The following BCL2L14 variants were observed in gnomAD, a reference collection of about 807,000 sequenced individuals.
The protein encoded by BCL2L14 is BCL2 like 14, also known as apoptosis facilitator Bcl-2-like protein 14.
Under a neutral mutation model 35.3 loss-of-function variants are expected in BCL2L14, and 27 were observed. The ratio of observed to expected loss-of-function variants is 0.76; its 90% confidence interval spans 0.56 to 1.05. BCL2L14 has a LOEUF of 1.05. Ranked by LOEUF, BCL2L14 falls within the 50% of genes least tolerant of loss-of-function variation. BCL2L14 has a pLI of 0.00. For missense variants in BCL2L14, 377 were observed against 382.6 expected (o/e 0.99, Z 0.12); for synonymous variants, 139 against 145.9 (o/e 0.95, Z 0.34).
At chr12:12,076,547 G>A (rs73289709) in intron 1 of BCL2L14, among the ~76,000 whole-genome samples, 1 of 151,392 alleles carries the variant, frequency 6.6e-6, no homozygotes, top group South Asian at 2.1e-4. Flanking sequence ...TTGTATAATT[G>A]TATCTGTGTA....
chr12:12,064,837 G>A (rs1005525315), intron 2 of BCL2L14, among the ~76,000 whole-genome samples: 4 of 152,214 alleles, frequency 2.6e-5, no homozygotes, highest in African/African-American at 9.6e-5. Context: ...AGTCATGGTA[G>A]TCAGATCTCC....
chr12:12,061,032 A>G (rs1344608666), intron 2 of BCL2L14, among the ~76,000 whole-genome samples: 1 of 104,342 alleles, frequency 9.6e-6, no homozygotes, highest in African/African-American at 3.8e-5. Context: ...TGTTGTGGGT[A>G]TTGATGGCCA....
Position 12,098,966 on chromosome 12 carries a change from T to A in BCL2L14, c.962T>A (p.Ile321Lys). ...QHGGWEKILG[I>K]SHEEVD ...CCCCTCTAGGAAAAAATACTTGGGA[T>A]ATCACATGAAGAAGTAGACTGAAAT... Residue 321 changes from isoleucine (I) to lysine (K), a missense_variant, in exon 6 of 6, where the codon ATA becomes AAA. Transcript: ENST00000308721. The A allele has an allele frequency of 6.3e-7, 1 of 1,599,616 alleles. No homozygotes were observed. Among genetic ancestry groups the A allele is most frequent in the South Asian group, 1.1e-5 (1 of 90,776 alleles).
chr12:12,089,535 A>G (rs1015526041), intron 3 of BCL2L14, among the ~76,000 whole-genome samples: 1 of 152,070 alleles, frequency 6.6e-6, no homozygotes, highest in Non-Finnish European at 1.5e-5. Context: ...ATCTCTACTA[A>G]AAATACAAAA....
At chr12:12,096,874 T>G (rs1340397247) in intron 5 of BCL2L14, among the ~76,000 whole-genome samples, 3 of 152,242 alleles carry the variant, frequency 2.0e-5, no homozygotes, top group Admixed American at 6.5e-5. Flanking sequence ...CCGGGCGCAG[T>G]GGCTCACGCC....
intron 1 of BCL2L14, among the ~76,000 whole-genome samples, chr12:12,078,681 G>A (rs1948837685): frequency 6.6e-6 from 1 of 152,120 alleles, no homozygotes; most frequent in African/African-American, 2.4e-5. Context: ...ACTCCTTCTA[G>A]CTTTCCAAAA....
Position 12,082,859 on chromosome 12 carries a change from C to CTTGTGTT in BCL2L14, c.433+3121_433+3122insTTGTGTT, listed in dbSNP as rs1948957017. ...TGTTTTTTACTTGTGTTACTTGTGTCGGTTTTACATTGAGCGTGATCCAAG... is the reference window on the plus strand; with the variant it reads ...TGTTTTTTACTTGTGTTACTTGTGTCTTGTGTTGGTTTTACATTGAGCGTGATCCAAG... On this transcript the variant is annotated intron_variant, in intron 2 of 5. Coordinates refer to ENST00000308721, the MANE Select transcript of BCL2L14 (RefSeq NM_138723.2). Among the ~76,000 whole-genome samples, 7 of 151,998 alleles carry CTTGTGTT rather than the reference C, an allele frequency of 4.6e-5. No homozygotes were observed. In the South Asian group the frequency reaches 1.5e-3, roughly 31 times the overall value.
chr12:12,086,752 T>C (rs778115728), intron 2 of BCL2L14, among the ~76,000 whole-genome samples: 12 of 152,214 alleles, frequency 7.9e-5, no homozygotes, highest in Non-Finnish European at 1.5e-4. Context: ...GCAGGGATAT[T>C]TCTTTCTTCA....
intron 2 of BCL2L14, among the ~76,000 whole-genome samples, chr12:12,059,266 C>T (rs1293668665): frequency 2.6e-5 from 4 of 151,752 alleles, no homozygotes; most frequent in African/African-American, 9.7e-5. Flanking sequence ...GGGCAAGTAC[C>T]CCAACCCCTT....
At chr12:12,052,538 CA>C (rs1256413579) in intron 2 of BCL2L14, among the ~76,000 whole-genome samples, 1 of 152,310 alleles carries the variant, frequency 6.6e-6, no homozygotes, top group East Asian at 1.9e-4. Context: ...CATGTTGTCC[CA>C]AATCACAGGA....
chr12:12,050,735 GGAA>G (rs1368753341), intron 1 of BCL2L14, among the ~76,000 whole-genome samples: 11 of 141,292 alleles, frequency 7.8e-5, no homozygotes, highest in Non-Finnish European at 1.4e-4. Context: ...GGGCCACACT[GGAA>G]GAAGAATTGT....
intron 5 of BCL2L14, chr12:12,095,678 A>C (rs939738343): frequency 7.1e-6 from 7 of 985,124 alleles, no homozygotes; most frequent in African/African-American, 1.7e-5. Flanking sequence ...TTCTCTTTCC[A>C]CTAGAATGGT....
At chr12:12,098,213 G>A (rs1029432475) in intron 5 of BCL2L14, among the ~76,000 whole-genome samples, 2 of 152,140 alleles carry the variant, frequency 1.3e-5, no homozygotes, top group Non-Finnish European at 2.9e-5. Flanking sequence ...GGCACCAAGT[G>A]TCTCGATGGC....
chr12:12,090,386 T>C (rs139165302), intron 3 of BCL2L14, among the ~76,000 whole-genome samples: 1 of 152,260 alleles, frequency 6.6e-6, no homozygotes, highest in African/African-American at 2.4e-5. Context: ...TTCCAGCACT[T>C]TGGGAGGCCG....
At chr12:12,090,273 G>A (rs1949152267) in intron 3 of BCL2L14, among the ~76,000 whole-genome samples, 1 of 152,170 alleles carries the variant, frequency 6.6e-6, no homozygotes, top group South Asian at 2.1e-4. Context: ...GGCTGTAGGA[G>A]AAATCCCTAG....
At chr12:12,094,021 C>T (rs1207392261) in intron 4 of BCL2L14, among the ~76,000 whole-genome samples, 2 of 150,142 alleles carry the variant, frequency 1.3e-5, no homozygotes, top group African/African-American at 4.9e-5. Context: ...GCAAGAGAAT[C>T]ACTTGAGCCC....
intron 5 of BCL2L14, among the ~76,000 whole-genome samples, chr12:12,098,298 G>T (rs967326710): frequency 6.6e-6 from 1 of 152,136 alleles, no homozygotes; most frequent in Admixed American, 6.6e-5. Context: ...GAAGCTCAGG[G>T]TTCCTATCTC....
At chr12:12,082,875 G>A (rs1289060983) in intron 2 of BCL2L14, among the ~76,000 whole-genome samples, 3 of 152,244 alleles carry the variant, frequency 2.0e-5, no homozygotes, top group East Asian at 1.9e-4. Flanking sequence ...TACATTGAGC[G>A]TGATCCAAGA....
Position 12,051,522 on chromosome 12 carries a change from G to C in BCL2L14, c.-323-274G>C, listed in dbSNP as rs188718084. ...CTCATTAAATGATTGTCACTGGGAA[G>C]AATCCGCCCCACACAGCCAGATCAA... is the stretch of plus-strand genomic sequence containing the variant. On this transcript the variant is annotated intron_variant, in intron 1 of 3. Coordinates refer to the BCL2L14 transcript ENST00000461264. Among the ~76,000 whole-genome samples the C allele has an allele frequency of 2.5e-3, 386 of 152,136 alleles. 2 individuals are homozygous for C. Among genetic ancestry groups the C allele is most frequent in the African/African-American group, 8.4e-3 (347 of 41,544 alleles).
Sources: allele counts gnomAD v4.1 joint callset (sites outside exome capture counted in the v4.1 genomes callset), GRCh38; gene constraint gnomAD v4.1.1; transcripts MANE v1.5; gene names NCBI Gene and HGNC (gene_info 2026-07-23, HGNC 2026-07-21).